The following SMC1B variants were observed in gnomAD, a reference collection of about 807,000 sequenced individuals.
SMC1B encodes structural maintenance of chromosomes 1B.
SMC1B carries 60 observed loss-of-function variants against 157.9 expected under a neutral mutation model. That is an observed-to-expected ratio of 0.38 (90% confidence interval 0.31 to 0.47). The LOEUF (loss-of-function observed/expected upper bound fraction) is 0.47, where lower values mean the gene tolerates loss of function less well. Among genes scored for constraint, SMC1B ranks in the 20% least tolerant of loss-of-function variants. The pLI, the probability that SMC1B is intolerant of heterozygous loss-of-function variation, is 0.99. For synonymous variants in SMC1B, 445 were observed against 483.0 expected (o/e 0.92, Z 1.03); for missense variants, 1,165 against 1,426.2 (o/e 0.82, Z 2.95).
At chr22:45,355,310 C>A (rs1282680950) in intron 19 of SMC1B, among the ~76,000 whole-genome samples, 195 bp from the exon 20 acceptor site, 3 of 152,188 alleles carry the variant, frequency 2.0e-5, no homozygotes, top group Non-Finnish European at 4.4e-5. Flanking sequence ...GTGCTCTTTT[C>A]TTTGAACACA....
chr22:45,359,101 C>A (rs1467404463), intron 18 of SMC1B, among the ~76,000 whole-genome samples: 1 of 152,156 alleles, frequency 6.6e-6, no homozygotes, highest in African/African-American at 2.4e-5. Flanking sequence ...CCTGCAATAT[C>A]TGTGAAGTAG....
At position 45,399,161 on chromosome 22, in the gene SMC1B, A is replaced by T. The variant is rs180744096; in HGVS notation, c.1047T>A (p.Ser349Arg). 10,626 of 1,613,858 alleles carry T rather than the reference A, an allele frequency of 6.6e-3. 48 individuals carry two copies. The highest frequency in any genetic ancestry group is 8.4e-3 in the Non-Finnish European group (9,885 of 1,179,906). Residue 349 changes from serine (S) to arginine (R), a missense_variant, in exon 6 of 25, where the codon AGT becomes AGA. Ser to Arg is a moderately radical substitution (Grantham distance 110). Coordinates refer to ENST00000357450, the MANE Select transcript of SMC1B (RefSeq NM_148674.5). Reference protein sequence around the residue: ...ELADLDAAWRSFEKQIEEEIL... With the variant: ...ELADLDAAWRRFEKQIEEEIL... ...TTTCTTCCTCAATCTGCTTTTCAAA[A>T]CTTCTCCATGCAGCATCTAAATCAG...
At chr22:45,371,929 G>A (rs2086836472) in intron 13 of SMC1B, among the ~76,000 whole-genome samples, 1 of 152,024 alleles carries the variant, frequency 6.6e-6, no homozygotes, top group Admixed American at 6.6e-5. Flanking sequence ...TGTAATCCCA[G>A]CTACTCGGGA....
intron 2 of SMC1B, among the ~76,000 whole-genome samples, chr22:45,407,619 C>CAA (rs1451838563): frequency 6.6e-6 from 1 of 152,106 alleles, no homozygotes; most frequent in Admixed American, 6.5e-5. Context: ...CGCTACCACA[C>CAA]ACAGCTAATT....
intron 10 of SMC1B, among the ~76,000 whole-genome samples, chr22:45,387,958 G>C (rs1475543666): frequency 6.6e-6 from 1 of 151,954 alleles, no homozygotes; most frequent in Non-Finnish European, 1.5e-5. Context: ...CTTGAACCCG[G>C]GAGGCGGAGG....
rs978144130 is a variant in SMC1B, at chr22:45,398,760, C to T, written c.1113+335G>A. 3.3e-5 allele frequency among the ~76,000 whole-genome samples: 5 copies of T among 152,096 alleles called. No homozygotes were observed. In the East Asian group the frequency reaches 5.8e-4, roughly 18 times the overall value. ...AGGAGAATCGCTTGAACCCATAAGG[C>T]GGAGGTTGCAGTGAGCCAAGACCAC... is the stretch of plus-strand genomic sequence containing the variant. On this transcript the variant is annotated intron_variant, in intron 6 of 24. Transcript: ENST00000357450.
chr22:45,371,621 G>T (rs766705383), intron 13 of SMC1B, 34 bp from the exon 14 acceptor site: 6 of 1,562,164 alleles, frequency 3.8e-6, no homozygotes, highest in Non-Finnish European at 5.2e-6. Context: ...TTTTAACATG[G>T]CTGTTTTAGC....
At position 45,405,531 on chromosome 22, in the gene SMC1B, A is replaced by G. The variant is rs548666109; in HGVS notation, c.615+929T>C. 2.0e-4 allele frequency among the ~76,000 whole-genome samples: 29 copies of G among 146,942 alleles called. No homozygotes were observed. In the South Asian group the frequency reaches 3.9e-3, roughly 20 times the overall value. On this transcript the variant is annotated intron_variant, in intron 4 of 24. Transcript: ENST00000357450. Reference sequence around the variant, plus strand: ...CATGCCACTGCACTCCAGCCTGGGGAAAAAAAAAAAGAGACAAGACTCTCA... The same window carrying G: ...CATGCCACTGCACTCCAGCCTGGGGGAAAAAAAAAAGAGACAAGACTCTCA...
At chr22:45,384,580 C>A (rs557906101) in intron 11 of SMC1B, among the ~76,000 whole-genome samples, 46 of 152,026 alleles carry the variant, frequency 3.0e-4, no homozygotes, top group South Asian at 2.3e-3. Context: ...ATTAGCCAGG[C>A]GTGGTGGTGG....
At position 45,408,804 on chromosome 22, in the gene SMC1B, T is replaced by C. The variant is rs1569202038; in HGVS notation, c.204A>G (p.Ala68=). The C allele has an allele frequency of 3.2e-6, 5 of 1,581,934 alleles. No individual in the cohort carries two copies. Among genetic ancestry groups the C allele is most frequent in the Non-Finnish European group, 4.3e-6 (5 of 1,167,396 alleles). The part of the protein sequence containing the change: ...VKNIQELIHG[A]HIGKPISSSA... Reference sequence around the variant, plus strand: ...AAGAAGAAATAGGTTTTCCAATATGTGCTCCATGAATGAGTTCTTGAATAT... The same window carrying C: ...AAGAAGAAATAGGTTTTCCAATATGCGCTCCATGAATGAGTTCTTGAATAT... The change falls in exon 2 of 25, where the codon GCA becomes GCG. Residue 68 remains alanine, a synonymous_variant. Transcript: ENST00000357450.
intron 10 of SMC1B, among the ~76,000 whole-genome samples, chr22:45,387,978 G>A (rs1458607934): frequency 6.6e-6 from 1 of 151,712 alleles, no homozygotes; most frequent in Non-Finnish European, 1.5e-5. Context: ...GTTGCAGTGA[G>A]CCGAGATCAC....
intron 6 of SMC1B, among the ~76,000 whole-genome samples, chr22:45,398,572 G>A (rs1392299502): frequency 6.6e-6 from 1 of 152,212 alleles, no homozygotes; most frequent in Non-Finnish European, 1.5e-5. Context: ...GCTCACGCCT[G>A]TAATCCCCGT....
In SMC1B at chr22:45,345,542, G is replaced by C. The variant is rs781337680; in HGVS notation, c.3523C>G (p.Gln1175Glu). ...KVSSYIKEQT[Q>E]DQFQMIVISL... ...ATGACTATCATCTGAAACTGGTCTT[G>C]AGTTTGCTCTTTGATGTAACTTGAC... Residue 1175 changes from glutamine to glutamate, a missense_variant, in exon 24 of 25, where the codon CAA (glutamine) becomes GAA (glutamate). Gln to Glu is a conservative substitution (Grantham distance 29). Coordinates refer to ENST00000357450, the MANE Select transcript of SMC1B (RefSeq NM_148674.5). 9.3e-6 allele frequency: 15 copies of C among 1,613,248 alleles called. No homozygotes were observed. The highest frequency in any genetic ancestry group is 1.3e-5 in the Non-Finnish European group (15 of 1,179,244).
intron 17 of SMC1B, among the ~76,000 whole-genome samples, 184 bp downstream of exon 17, chr22:45,361,651 TAAAC>T (rs1024437449): frequency 6.6e-6 from 1 of 152,180 alleles, no homozygotes. Context: ...CTATTTGCTC[TAAAC>T]AACTAACCAC....
At chr22:45,368,430 T>C (rs1168194394) in intron 15 of SMC1B, among the ~76,000 whole-genome samples, 2 of 152,198 alleles carry the variant, frequency 1.3e-5, no homozygotes, top group Non-Finnish European at 2.9e-5. Flanking sequence ...AGTTTCTTAT[T>C]GTATGTATAC....
At chr22:45,372,615 T>C (rs136573) in intron 12 of SMC1B, among the ~76,000 whole-genome samples, 94,371 of 151,900 alleles carry the variant, frequency 0.62, 31,808 homozygotes, top group African/African-American at 0.89. Flanking sequence ...TTAGTGCATC[T>C]TTCTGTTTTG....
intron 20 of SMC1B, among the ~76,000 whole-genome samples, chr22:45,354,350 AGTTCTGATAGGGTATGTAT>A (rs994570507): frequency 2.8e-5 from 4 of 144,758 alleles, no homozygotes; most frequent in Non-Finnish European, 6.2e-5. Context: ...AATATTGACA[AGTTCTGATAGGGTATGTAT>A]GTATGTATGT....
chr22:45,373,190 C>T (rs1793539570), intron 12 of SMC1B, among the ~76,000 whole-genome samples: 1 of 152,180 alleles, frequency 6.6e-6, no homozygotes, highest in Non-Finnish European at 1.5e-5. Context: ...AAAACATATA[C>T]AACCAAGCTG....
chr22:45,351,541 C>T (rs1303006716), intron 22 of SMC1B, among the ~76,000 whole-genome samples: 1 of 152,140 alleles, frequency 6.6e-6, no homozygotes, highest in Non-Finnish European at 1.5e-5. Flanking sequence ...CTATATTTTA[C>T]TAATTGTATT....
Sources: gnomAD v4.1 joint callset for allele counts (sites outside exome capture counted in the v4.1 genomes callset) on GRCh38, gnomAD v4.1.1 for gene constraint, MANE v1.5 for transcripts, NCBI Gene and HGNC (gene_info 2026-07-23, HGNC 2026-07-21) for gene names.